MAPK15: variants seen among roughly 807,000 people sequenced by gnomAD.
MAPK15 encodes ERK-7.
A neutral mutation model predicts 60.8 loss-of-function variants in MAPK15; 61 were observed. The ratio of observed to expected loss-of-function variants is 1.00; its 90% CI spans 0.82 to 1.24. The LOEUF (loss-of-function observed/expected upper bound fraction) is 1.24. MAPK15 is among the 50% of genes most tolerant of loss of function. The pLI, the probability that MAPK15 is intolerant of heterozygous loss-of-function variation, is 0.00. For missense variants in MAPK15, 808 were observed against 741.1 expected, an observed-to-expected ratio of 1.09 and a Z score of -1.05; for synonymous variants, 356 against 319.9, an observed-to-expected ratio of 1.11 and a Z score of -1.21.
chr8:143,720,565 A>C lies in MAPK15; in HGVS notation c.780-138A>C, dbSNP rs6420190. Reference sequence around the variant, plus strand: ...CCCTGCAGGGGCCCAGACTGCCTGCAGGTCAGGCACAGGGGCATCTACCTA... The same window carrying C: ...CCCTGCAGGGGCCCAGACTGCCTGCCGGTCAGGCACAGGGGCATCTACCTA... On this transcript the variant is annotated intron_variant, in intron 8 of 13. Transcript: ENST00000338033. This position sits in a 1 kb window ranked among gnomAD's most constrained non-coding sequence, Gnocchi z 4.6. 0.2 allele frequency: 295,521 copies of C among 1,470,692 alleles called. 32,624 individuals carry two copies. The highest frequency in any genetic ancestry group is 0.5 in the East Asian group (20,048 of 40,118). The allele number at this position is 1,470,692 out of a possible 1,614,324, so 91.1% of individuals were successfully genotyped here. A position where few individuals can be genotyped will look rare whatever the true frequency, so the allele number is the denominator to read the frequency against.
chr8:143,718,144 A>G, intron 3 of MAPK15, 68 bp downstream of exon 3: 13 of 1,612,514 alleles, frequency 8.1e-6, no homozygotes, highest in Non-Finnish European at 1.1e-5. Context: ...CAGGAGAGAA[A>G]CTGGCCTTCT....
In MAPK15 at chr8:143,722,415, C is replaced by A. The variant is rs1554620294; in HGVS notation, c.*164C>A. 3.5e-6 allele frequency: 2 copies of A among 565,352 alleles called. No homozygotes were observed. Among genetic ancestry groups the A allele is most frequent in the Non-Finnish European group, 6.0e-6 (2 of 333,362 alleles). 35.0% of individuals were successfully genotyped at this position (565,352 alleles called of 1,614,324 possible). A position where few individuals can be genotyped will look rare whatever the true frequency, so the allele number is the denominator to read the frequency against. On this transcript the variant is annotated 3_prime_UTR_variant, in exon 14 of 14. Coordinates refer to ENST00000338033, the MANE Select transcript of MAPK15 (RefSeq NM_139021.3). ...CGGGGGAGCAGATGAGGGCCCTGCCCCCGCCCCACTGACTTCCTCCAATAA... is the reference window on the plus strand; with the variant it reads ...CGGGGGAGCAGATGAGGGCCCTGCCACCGCCCCACTGACTTCCTCCAATAA...
In MAPK15 at chr8:143,718,073, C is replaced by T. The variant is rs781815886; in HGVS notation, c.192C>T (p.Leu64=). 2.5e-6 allele frequency: 4 copies of T among 1,614,154 alleles called. No individual in the cohort carries two copies. The highest frequency in any genetic ancestry group is 2.5e-6 in the Non-Finnish European group (3 of 1,180,004). Residue 64 remains leucine, a synonymous_variant, in exon 3 of 14, where the codon CTC becomes CTT. Transcript: ENST00000338033. ...GAACATTCCGGGAAATCACGCTCCT[C>T]CAGGTGAGTGGCCTGGGCCCTCCAG... The part of the protein sequence containing the change: ...AQRTFREITL[L]QEFGDHPNII...
Position 143,718,924 on chromosome 8 carries a change from C to A in MAPK15, c.417+19C>A. ...CCAGAAGGTGCGGTTCCCCCGCCCC[C>A]GCTATGCCACGTGGCCCGGCTCCCG... is the stretch of plus-strand genomic sequence containing the variant. On this transcript the variant is annotated intron_variant, in intron 5 of 13. Coordinates refer to ENST00000338033, the MANE Select transcript of MAPK15 (RefSeq NM_139021.3). The A allele has an allele frequency of 6.3e-7, 1 of 1,598,388 alleles. No homozygotes were observed. Among genetic ancestry groups the A allele is most frequent in the East Asian group, 2.2e-5 (1 of 44,596 alleles).
Position 143,718,752 on chromosome 8 carries a change from TGCAGTGC to T in MAPK15, c.287-19_287-13del. ...GCCCCCCCAGCCCCCCACCCCCGAC[TGCAGTGC>T]GCACCCTCTCTGCAGACACTGACCT... is the stretch of plus-strand genomic sequence containing the variant. On this transcript the variant is annotated splice_polypyrimidine_tract_variant and intron_variant, in intron 4 of 13. Transcript: ENST00000338033. 6.7e-6 allele frequency: 2 copies of T among 296,670 alleles called. No homozygotes were observed. Among genetic ancestry groups the T allele is most frequent in the Non-Finnish European group, 9.5e-6 (2 of 211,104 alleles). 18.4% of individuals were successfully genotyped at this position (296,670 alleles called of 1,614,324 possible).
In MAPK15 at chr8:143,716,386, C is replaced by G. The variant is rs782721278; in HGVS notation, c.9C>G (p.Thr3=). 4.1e-5 allele frequency: 66 copies of G among 1,599,772 alleles called. No individual in the cohort carries two copies. Among genetic ancestry groups the G allele is most frequent in the Non-Finnish European group, 5.4e-5 (63 of 1,174,796 alleles). Residue 3 remains threonine (T), a synonymous_variant, in exon 1 of 14, where the codon ACC becomes ACG. Transcript: ENST00000338033. Reference sequence around the variant, plus strand: ...CGGGCGTCCTGGCCGCCATGTGCACCGTAGTGGACCCTCGCATTGTCCGGA... The same window carrying G: ...CGGGCGTCCTGGCCGCCATGTGCACGGTAGTGGACCCTCGCATTGTCCGGA... MC[T]VVDPRIVRRY...
rs1554620161 is a variant in MAPK15 at position 143,722,125 on chromosome 8, C to T, written c.1509C>T (p.Ser503=). ...CCCGGCCCGGCCGGAGGATGTTCAG[C>T]ACCTCTGCCTTGCAGGGTGCCCAGG... ...PEARPGRRMF[S]TSALQGAQGG... Residue 503 remains serine (S), a synonymous_variant, in exon 14 of 14, where the codon AGC becomes AGT. Transcript: ENST00000338033. 2.5e-6 allele frequency: 4 copies of T among 1,612,486 alleles called. No homozygotes were observed. The African/African-American group carries it at 4.0e-5, about 16-fold the overall frequency.
chr8:143,719,110 G>A lies in MAPK15; in HGVS notation c.535G>A (p.Ala179Thr), dbSNP rs1040261746. Residue 179 changes from alanine (A) to threonine (T), a missense_variant, in exon 6 of 14, where the codon GCC becomes ACC. Ala to Thr is a moderately conservative substitution (Grantham distance 58). Transcript: ENST00000338033. ...PEDQAVTEYV[A>T]TRWYRAPEVL... ...GGACCAGGCCGTGACAGAGTACGTGGCCACACGCTGGTACCGAGCACCGGA... is the reference window on the plus strand; with the variant it reads ...GGACCAGGCCGTGACAGAGTACGTGACCACACGCTGGTACCGAGCACCGGA... The A allele has an allele frequency of 4.5e-6, 7 of 1,561,750 alleles. No individual in the cohort carries two copies. Among genetic ancestry groups the A allele is most frequent in the East Asian group, 2.4e-5 (1 of 41,530 alleles).
In MAPK15 at chr8:143,721,355, T is replaced by C. The variant is rs782182358; in HGVS notation, c.1148T>C (p.Val383Ala). Residue 383 changes from valine (V) to alanine (A), a missense_variant, in exon 11 of 14, where the codon GTG becomes GCG. By Grantham distance (64) the Val-to-Ala change is moderately conservative (BLOSUM62 0). Transcript: ENST00000338033. The part of the protein sequence containing the change: ...ADPQLPSRTP[V>A]QGPRPRPQSS... ...CCTCAGCTGCCTTCTAGGACACCTG[T>C]GCAGGGTCCCAGACCCAGGCCCCAG... is the stretch of plus-strand genomic sequence containing the variant. 1.2e-6 allele frequency: 2 copies of C among 1,613,502 alleles called. No individual in the cohort carries two copies. Among genetic ancestry groups the C allele is most frequent in the Non-Finnish European group, 1.7e-6 (2 of 1,179,876 alleles).
At chr8:143,721,946 T>C in intron 13 of MAPK15, 66 bp downstream of exon 13, 1 of 1,486,590 alleles carries the variant, frequency 6.7e-7, no homozygotes, top group Non-Finnish European at 9.0e-7. Context: ...CCCCCCTGCT[T>C]TTCCCTCCCT....
At position 143,721,545 on chromosome 8, in the gene MAPK15, A is replaced by G. The variant is rs782312051; in HGVS notation, c.1205-4A>G. ...ACCCCGGGGTTGACCCACTGACCCC[A>G]CAGAGTCCCCCCGTGCAGCCAAGAA... On this transcript the variant is annotated splice_polypyrimidine_tract_variant and splice_region_variant and intron_variant, in intron 11 of 13. Transcript: ENST00000338033. 1.2e-6 allele frequency: 2 copies of G among 1,613,642 alleles called. No individual in the cohort carries two copies. The highest frequency in any genetic ancestry group is 1.1e-5 in the South Asian group (1 of 91,030).
rs5895782 is a variant in MAPK15 at position 143,719,177 on chromosome 8, ACC to A, written c.581+27_581+28del. 1.4e-5 allele frequency: 21 copies of A among 1,498,010 alleles called. No homozygotes were observed. In the East Asian group the frequency reaches 3.7e-4, roughly 27 times the overall value. 92.8% of individuals were successfully genotyped at this position (1,498,010 alleles called of 1,614,324 possible). A position where few individuals can be genotyped will look rare whatever the true frequency, so the allele number is the denominator to read the frequency against. ...CACCGGTAATAGCGAGACATCCCCA[ACC>A]CCCCCTCCACCTCCCTGCTGCCCTC... On this transcript the variant is annotated intron_variant, in intron 6 of 13. Coordinates refer to ENST00000338033, the MANE Select transcript of MAPK15 (RefSeq NM_139021.3).
Position 143,719,367 on chromosome 8 carries a change from G to A in MAPK15, c.606G>A (p.Trp202Ter), listed in dbSNP as rs1277674170. The change falls in exon 7 of 14, where the codon TGG (tryptophan) becomes TGA (stop). Residue 202 changes from tryptophan (W) to a stop codon, truncating the protein, a stop_gained. Transcript: ENST00000338033. LOFTEE classifies it high-confidence loss of function. ...SHRYTLGVDM[W>*]SLGCILGEML... is the part of the protein sequence containing the mutation. Reference sequence around the variant, plus strand: ...GATACACCCTTGGGGTGGACATGTGGAGTCTGGGCTGTATCCTGGGGGAGA... The same window carrying A: ...GATACACCCTTGGGGTGGACATGTGAAGTCTGGGCTGTATCCTGGGGGAGA... 2 of 1,610,266 alleles carry A rather than the reference G, an allele frequency of 1.2e-6. No homozygotes were observed. The highest frequency in any genetic ancestry group is 3.4e-5 in the Admixed American group (2 of 59,540).
At chr8:143,718,713 A>G (rs1554618957) in intron 4 of MAPK15, 62 bp from the exon 5 acceptor site, 2 of 511,478 alleles carry the variant, frequency 3.9e-6, no homozygotes, top group South Asian at 4.0e-5. Flanking sequence ...CCCCTCTCCC[A>G]CTCCCCCCAG....
rs781795310 is a variant in MAPK15, at chr8:143,718,061, A to C, written c.180A>C (p.Glu60Asp). The change falls in exon 3 of 14, where the codon GAA becomes GAC. Residue 60 changes from glutamate (E) to aspartate (D), a missense_variant. Transcript: ENST00000338033. ...TGTCTCTTCAGAGAACATTCCGGGA[A>C]ATCACGCTCCTCCAGGTGAGTGGCC... ...DKTDAQRTFR[E>D]ITLLQEFGDH... 5.6e-6 allele frequency: 9 copies of C among 1,613,936 alleles called. No individual in the cohort carries two copies. The highest frequency in any genetic ancestry group is 7.6e-6 in the Non-Finnish European group (9 of 1,179,992).
chr8:143,718,258 G>A lies in MAPK15; in HGVS notation c.242G>A (p.Arg81Gln), dbSNP rs145380962. ...ATCATCAGCCTCCTTGACGTGATCC[G>A]GGCAGAGAACGACAGGGACATTTAC... ...PNIISLLDVIRAENDRDIYLV... is the reference protein window; with the variant it reads ...PNIISLLDVIQAENDRDIYLV... The change falls in exon 4 of 14, where the codon CGG (arginine) becomes CAG (glutamine). Residue 81 changes from arginine (R) to glutamine (Q), a missense_variant. Physicochemically the swap from Arg to Gln is conservative, Grantham distance 43. Coordinates refer to ENST00000338033, the MANE Select transcript of MAPK15 (RefSeq NM_139021.3). The A allele has an allele frequency of 2.5e-5, 40 of 1,614,034 alleles. No individual in the cohort carries two copies. The highest frequency in any genetic ancestry group is 6.7e-5 in the African/African-American group (5 of 74,936).
chr8:143,721,701 G>T, intron 12 of MAPK15, 28 bp downstream of exon 12: 4 of 1,612,160 alleles, frequency 2.5e-6, no homozygotes, highest in Non-Finnish European at 3.4e-6. Context: ...GGGCACAGGA[G>T]GGACCCCTCC....
Position 143,718,857 on chromosome 8 carries a change from G to C in MAPK15, c.369G>C (p.Arg123=). 1 of 1,612,064 alleles carries C rather than the reference G, an allele frequency of 6.2e-7. No individual in the cohort carries two copies. ...GCTCCATCTTCTACCAGCTCCTGCG[G>C]GCCACCCGGTTCCTCCACTCGGGGC... ...HVRSIFYQLL[R]ATRFLHSGHV... The change falls in exon 5 of 14, where the codon CGG becomes CGC. Residue 123 remains arginine, a synonymous_variant. Transcript: ENST00000338033.
rs1818049808 is a variant in MAPK15 at position 143,721,222 on chromosome 8, C to T, written c.1024-9C>T. 1.2e-6 allele frequency: 2 copies of T among 1,604,550 alleles called. No homozygotes were observed. The highest frequency in any genetic ancestry group is 1.7e-6 in the Non-Finnish European group (2 of 1,175,238). On this transcript the variant is annotated splice_polypyrimidine_tract_variant and intron_variant, in intron 10 of 13. Coordinates refer to ENST00000338033, the MANE Select transcript of MAPK15 (RefSeq NM_139021.3). Reference sequence around the variant, plus strand: ...GCTGTGACCTCTGAGCACCCTTCCCCTCCCGCAGATGATCCTGGAGTGTGG... The same window carrying T: ...GCTGTGACCTCTGAGCACCCTTCCCTTCCCGCAGATGATCCTGGAGTGTGG...
Sources: allele counts gnomAD v4.1 joint callset, GRCh38; gene constraint gnomAD v4.1.1; non-coding constraint Gnocchi (gnomAD v3.1); transcripts MANE v1.5; gene names NCBI Gene and HGNC (gene_info 2026-07-23, HGNC 2026-07-21).